AKAP12: variants seen among roughly 807,000 people sequenced by gnomAD.
AKAP12 encodes A-kinase anchor protein 12.
In AKAP12, 32 loss-of-function variants were observed where a neutral mutation model predicts 79.9. The observed-to-expected ratio is 0.40, with a 90% CI of 0.30 to 0.54. The LOEUF is 0.54. AKAP12 is among the 20% of genes least tolerant of loss of function. The pLI is 0.48. For missense variants in AKAP12, 2,074 were observed against 2,177.0 expected (o/e 0.95, Z 0.94); for synonymous variants, 808 against 857.0 (o/e 0.94, Z 1.00).
intron 2 of AKAP12, among the ~76,000 whole-genome samples, chr6:151,248,741 G>T (rs1172751546): frequency 6.6e-6 from 1 of 152,214 alleles, no homozygotes; most frequent in Non-Finnish European, 1.5e-5. Flanking sequence ...TGTAATCCCA[G>T]CACTTTGGGA....
chr6:151,350,033 A>T lies in AKAP12; in HGVS notation c.1642A>T (p.Thr548Ser), dbSNP rs933155971. The part of the protein sequence containing the change: ...GGGDEESGEH[T>S]QVPADSPDSQ... ...AGGAGACGAGGAATCAGGGGAGCAC[A>T]CTCAGGTTCCAGCCGATTCTCCGGA... The change falls in exon 4 of 5, where the codon ACT (threonine) becomes TCT (serine). Residue 548 changes from threonine (T) to serine (S), a missense_variant. Coordinates refer to ENST00000402676, the MANE Select transcript of AKAP12 (RefSeq NM_005100.4). The surrounding 1 kb of genome is among the most constrained non-coding windows in gnomAD (Gnocchi z 4.8). The T allele has an allele frequency of 3.0e-5, 48 of 1,613,974 alleles. No individual in the cohort carries two copies. The highest frequency in any genetic ancestry group is 3.6e-5 in the Non-Finnish European group (43 of 1,180,026).
intron 2 of AKAP12, among the ~76,000 whole-genome samples, chr6:151,247,280 A>T (rs1458975229): frequency 6.6e-6 from 1 of 152,138 alleles, no homozygotes; most frequent in Non-Finnish European, 1.5e-5. Context: ...GTGTACCTGT[A>T]GTCCTAGCTA....
intron 3 of AKAP12, among the ~76,000 whole-genome samples, chr6:151,330,928 A>G (rs1777650581): frequency 6.6e-6 from 1 of 152,166 alleles, no homozygotes; most frequent in African/African-American, 2.4e-5. Flanking sequence ...TCTTGGGATC[A>G]TGGAGCGTTT....
chr6:151,288,507 G>A (rs749562002), intron 2 of AKAP12, among the ~76,000 whole-genome samples: 26 of 152,236 alleles, frequency 1.7e-4, no homozygotes, highest in South Asian at 4.1e-4. Context: ...GCAAGACATC[G>A]TCTCAAAAGA....
chr6:151,334,866 G>A (rs1480401562), intron 3 of AKAP12, among the ~76,000 whole-genome samples: 1 of 151,974 alleles, frequency 6.6e-6, no homozygotes, highest in Non-Finnish European at 1.5e-5. Context: ...CTCGTGATCT[G>A]CCCGCCTCGG....
intron 2 of AKAP12, among the ~76,000 whole-genome samples, chr6:151,286,916 T>C (rs934776499): frequency 2.6e-5 from 4 of 152,028 alleles, no homozygotes; most frequent in Middle Eastern, 3.2e-3. Context: ...GTGGCAGCGA[T>C]GGGGTAAGCA....
At chr6:151,249,390 G>T (rs1797133682) in intron 2 of AKAP12, among the ~76,000 whole-genome samples, 1 of 152,122 alleles carries the variant, frequency 6.6e-6, no homozygotes, top group Non-Finnish European at 1.5e-5. Flanking sequence ...GTGTTGCCAA[G>T]GCTGGTCTCG....
intron 2 of AKAP12, among the ~76,000 whole-genome samples, chr6:151,262,715 T>G (rs906263067): frequency 6.6e-6 from 1 of 152,180 alleles, no homozygotes; most frequent in African/African-American, 2.4e-5. Flanking sequence ...GTTTTTCTTC[T>G]TCCCTCCCCA....
chr6:151,317,884 C>G (rs2179544), intron 3 of AKAP12, among the ~76,000 whole-genome samples: 28,004 of 152,156 alleles, frequency 0.18, 3,120 homozygotes, highest in East Asian at 0.32. Flanking sequence ...AGAATTCCTG[C>G]TTTCCAGATA....
chr6:151,322,748 C>CCCGCCA lies in AKAP12; in HGVS notation c.319+16846_319+16847insCGCCAC, dbSNP rs1156380856. ...CCACTGGGCGTGTCCACCACCCACT[C>CCCGCCA]CTGCCACTGGGTGTGTGCACCATCC... On this transcript the variant is annotated intron_variant, in intron 3 of 4. Transcript: ENST00000402676. 8.8e-3 allele frequency among the ~76,000 whole-genome samples: 1,298 copies of CCCGCCA among 148,166 alleles called. 61 individuals are homozygous for CCCGCCA. Among genetic ancestry groups the CCCGCCA allele is most frequent in the African/African-American group, 0.031 (1,175 of 37,904 alleles).
intron 3 of AKAP12, chr6:151,325,380 A>AAGTAGTGCC (rs1777497023): frequency 4.1e-6 from 4 of 985,332 alleles, no homozygotes; most frequent in African/African-American, 1.7e-5. Context: ...GCCAGGAATG[A>AAGTAGTGCC]AGTAACCGTT....
Position 151,271,604 on chromosome 6 carries a change from G to T in AKAP12, c.162+30880G>T, listed in dbSNP as rs146575377. 2.9e-3 allele frequency among the ~76,000 whole-genome samples: 444 copies of T among 151,974 alleles called. 2 individuals are homozygous for T. Among genetic ancestry groups the T allele is most frequent in the Middle Eastern group, 0.014 (4 of 294 alleles). ...CCCAAAGTGCTGGGATTACATGTGCGAGCCACTACACGCCCCCAGCCCACA... is the reference window on the plus strand; with the variant it reads ...CCCAAAGTGCTGGGATTACATGTGCTAGCCACTACACGCCCCCAGCCCACA... On this transcript the variant is annotated intron_variant, in intron 2 of 4. Coordinates refer to ENST00000402676, the MANE Select transcript of AKAP12 (RefSeq NM_005100.4).
chr6:151,307,505 A>G (rs558780091), intron 3 of AKAP12, among the ~76,000 whole-genome samples: 3 of 152,334 alleles, frequency 2.0e-5, no homozygotes, highest in South Asian at 4.1e-4. Context: ...TCACTGAACT[A>G]TGCCACCAAA....
chr6:151,323,732 G>C (rs1444149829), intron 3 of AKAP12: 26 of 985,238 alleles, frequency 2.6e-5, no homozygotes, highest in Non-Finnish European at 3.0e-5. Flanking sequence ...CAGCTCAGTG[G>C]AATAGCTGTT....
chr6:151,253,721 C>CT (rs35030000), intron 2 of AKAP12, among the ~76,000 whole-genome samples: 3 of 150,792 alleles, frequency 2.0e-5, no homozygotes, highest in African/African-American at 4.9e-5. Flanking sequence ...TCACAAATGA[C>CT]TTTTTTTTTT....
chr6:151,247,769 C>T (rs548155175), intron 2 of AKAP12, among the ~76,000 whole-genome samples: 1 of 152,202 alleles, frequency 6.6e-6, no homozygotes, highest in African/African-American at 2.4e-5. Flanking sequence ...CCCGTTCTCA[C>T]GGCAAACAGC....
At chr6:151,324,503 C>T in intron 3 of AKAP12, 1 of 985,432 alleles carries the variant, frequency 1.0e-6, no homozygotes, top group Non-Finnish European at 1.2e-6. Context: ...GTTCCTCGCC[C>T]ACCCTTCTCT....
intron 2 of AKAP12, among the ~76,000 whole-genome samples, chr6:151,272,588 C>T (rs1003839663): frequency 3.9e-5 from 6 of 151,908 alleles, no homozygotes; most frequent in Non-Finnish European, 5.9e-5. Context: ...TGTATGATCT[C>T]GGCTCACTGC....
chr6:151,346,914 G>A (rs895313072), intron 3 of AKAP12, among the ~76,000 whole-genome samples: 7 of 152,094 alleles, frequency 4.6e-5, no homozygotes, highest in Non-Finnish European at 7.4e-5. Context: ...TTAAAGAAGC[G>A]CTCCCTTCTC....
Sources: allele counts gnomAD v4.1 joint callset (sites outside exome capture counted in the v4.1 genomes callset), GRCh38; gene constraint gnomAD v4.1.1; non-coding constraint Gnocchi (gnomAD v3.1); transcripts MANE v1.5; gene names NCBI Gene and HGNC (gene_info 2026-07-23, HGNC 2026-07-21).